The following RTN4 variants were observed in gnomAD, a reference collection of about 807,000 sequenced individuals.
RTN4 encodes the protein reticulon-4.
RTN4 carries 32 observed loss-of-function variants against 90.4 expected under a neutral mutation model. That is an observed-to-expected ratio of 0.35 (90% confidence interval 0.27 to 0.48). The LOEUF is 0.48. RTN4 is among the 20% of genes least tolerant of loss of function. The pLI, the probability that RTN4 is intolerant of heterozygous loss-of-function variation, is 0.99. For missense variants in RTN4, 1,706 were observed against 1,430.2 expected (o/e 1.19, Z -3.11); for synonymous variants, 629 against 552.5 (o/e 1.14, Z -1.94).
chr2:54,981,355 C>T (rs1678112159), intron 5 of RTN4, among the ~76,000 whole-genome samples: 1 of 150,450 alleles, frequency 6.6e-6, no homozygotes, highest in South Asian at 2.1e-4. Context: ...TTTTCTGAGT[C>T]TAAAGGCCCA....
intron 1 of RTN4, among the ~76,000 whole-genome samples, chr2:55,089,921 C>A (rs1007412379): frequency 6.6e-6 from 1 of 152,190 alleles, no homozygotes; most frequent in African/African-American, 2.4e-5. Flanking sequence ...ACAGCAGCAA[C>A]TAGACTGACT....
chr2:54,974,979 G>C (rs1434258480), intron 5 of RTN4, among the ~76,000 whole-genome samples: 2 of 152,036 alleles, frequency 1.3e-5, no homozygotes, highest in African/African-American at 4.8e-5. Flanking sequence ...ATTTTCTCTG[G>C]ACTACACTAC....
At chr2:55,010,140 T>C (rs765300117) in intron 3 of RTN4, 2 of 1,613,398 alleles carry the variant, frequency 1.2e-6, no homozygotes, top group Non-Finnish European at 1.7e-6. Context: ...CGATCTGCTT[T>C]GCAGCTCCAA....
intron 3 of RTN4, among the ~76,000 whole-genome samples, chr2:55,022,942 G>A (rs552665909): frequency 4.4e-4 from 41 of 93,258 alleles, no homozygotes; most frequent in Non-Finnish European, 7.4e-4. Context: ...CTGCTCTCCC[G>A]CACATGCATT....
At chr2:55,115,478 T>C (rs759370384), upstream of RTN4, among the ~76,000 whole-genome samples, 1 of 152,202 alleles carries the variant, frequency 6.6e-6, no homozygotes, top group African/African-American at 2.4e-5. Context: ...GGGATTAGGA[T>C]GTGGACATCT....
rs573941695 is a variant in RTN4 at position 55,002,383 on chromosome 2, A to G, written c.3014-14685T>C. On this transcript the variant is annotated intron_variant, in intron 3 of 8. Coordinates refer to ENST00000337526, the MANE Select transcript of RTN4 (RefSeq NM_020532.5). ...CAGTGGTCTTTTTTTCCTATATTTC[A>G]AGTAGAAAATGCCTCAAATATGTTG... 1.7e-3 allele frequency among the ~76,000 whole-genome samples: 252 copies of G among 152,268 alleles called. 1 individual carries two copies. The highest frequency in any genetic ancestry group is 5.7e-3 in the African/African-American group (236 of 41,548).
chr2:55,098,053 T>C (rs542909818), intron 1 of RTN4, among the ~76,000 whole-genome samples: 11 of 152,210 alleles, frequency 7.2e-5, no homozygotes, highest in African/African-American at 2.4e-4. Context: ...GCTGTTACTA[T>C]CCTAGATGGA....
chr2:55,101,552 A>G (rs1333422896), intron 1 of RTN4, among the ~76,000 whole-genome samples: 1 of 152,164 alleles, frequency 6.6e-6, no homozygotes, highest in African/African-American at 2.4e-5. Context: ...AACCAAATGG[A>G]ATTTAAAACT....
chr2:55,011,457 A>G (rs1680634686), intron 3 of RTN4, among the ~76,000 whole-genome samples: 1 of 152,216 alleles, frequency 6.6e-6, no homozygotes, highest in South Asian at 2.1e-4. Context: ...TTCACCTGAT[A>G]CTTATATCTG....
chr2:55,093,008 A>G (rs2972084), intron 1 of RTN4, among the ~76,000 whole-genome samples: 149,613 of 152,362 alleles, frequency 0.98, 73,491 homozygotes, highest in Admixed American at 1. Flanking sequence ...TCTGACCACT[A>G]ATAAAAATAA....
chr2:54,996,009 G>C (rs550237074), intron 3 of RTN4, among the ~76,000 whole-genome samples: 1 of 152,134 alleles, frequency 6.6e-6, no homozygotes, highest in East Asian at 1.9e-4. Context: ...TAATGAATGA[G>C]AGTCCAGCAA....
intron 1 of RTN4, among the ~76,000 whole-genome samples, chr2:55,048,500 A>AT (rs138542213): frequency 0.095 from 14,190 of 149,162 alleles, 821 homozygotes; most frequent in South Asian, 0.2. Context: ...GCTTTTTTCT[A>AT]TTTTTTTTTT....
chr2:55,007,513 G>C (rs1680315817), intron 3 of RTN4, among the ~76,000 whole-genome samples: 2 of 151,982 alleles, frequency 1.3e-5, no homozygotes, highest in African/African-American at 4.8e-5. Context: ...TGGAACCCTG[G>C]GCAGCACGCA....
chr2:54,985,770 C>T (rs1478680396), intron 4 of RTN4, among the ~76,000 whole-genome samples: 1 of 152,138 alleles, frequency 6.6e-6, no homozygotes, highest in African/African-American at 2.4e-5. Context: ...TTTAAGTTTA[C>T]CCATTAATAT....
Position 54,978,366 on chromosome 2 carries a change from G to C in RTN4, c.3361-3602C>G, listed in dbSNP as rs938371125. ...AATCACTTGAACCTGGAAGGCAAAGGTTGCAGTGAGCCTAAGATCGCACCA... is the reference window on the plus strand; with the variant it reads ...AATCACTTGAACCTGGAAGGCAAAGCTTGCAGTGAGCCTAAGATCGCACCA... On this transcript the variant is annotated intron_variant, in intron 5 of 8. Transcript: ENST00000337526. Among the ~76,000 whole-genome samples the C allele has an allele frequency of 2.7e-5, 4 of 146,578 alleles. No homozygotes were observed. The East Asian group carries it at 6.2e-4, about 23-fold the overall frequency.
chr2:55,132,322 G>A, the RTN4 span, among the ~76,000 whole-genome samples: 2 of 152,078 alleles, frequency 1.3e-5, no homozygotes, highest in African/African-American at 4.8e-5. Flanking sequence ...GGCCAACAGG[G>A]CGAAACCCCG....
At chr2:55,049,115 C>T in intron 1 of RTN4, 2 of 986,018 alleles carry the variant, frequency 2.0e-6, no homozygotes, top group Non-Finnish European at 2.4e-6. Flanking sequence ...ACGCACCACA[C>T]CACTGGAGGC....
chr2:55,037,366 G>C (rs1265394614), intron 1 of RTN4, among the ~76,000 whole-genome samples: 1 of 152,128 alleles, frequency 6.6e-6, no homozygotes, highest in African/African-American at 2.4e-5. Flanking sequence ...CATTTGTATT[G>C]TGAACAGCCT....
At chr2:55,048,428 A>G (rs1354835423) in intron 1 of RTN4, among the ~76,000 whole-genome samples, 1 of 152,242 alleles carries the variant, frequency 6.6e-6, no homozygotes, top group Non-Finnish European at 1.5e-5. Context: ...AATAACGTTT[A>G]ACTTAAAACA....
Sources: allele counts gnomAD v4.1 joint callset (sites outside exome capture counted in the v4.1 genomes callset), GRCh38; gene constraint gnomAD v4.1.1; transcripts MANE v1.5; gene names NCBI Gene and HGNC (gene_info 2026-07-23, HGNC 2026-07-21).